Variants in SELENOT observed in about 807,000 individuals in gnomAD.
SELENOT encodes thioredoxin reductase-like selenoprotein T.
A neutral mutation model predicts 24.3 loss-of-function variants in SELENOT; 9 were observed. That is an observed-to-expected ratio of 0.37 (90% CI 0.22 to 0.65). SELENOT has a LOEUF of 0.65. Among genes scored for constraint, SELENOT ranks in the 30% least tolerant of loss-of-function variants. The pLI is 0.60. For synonymous variants in SELENOT, 81 were observed against 86.0 expected (o/e 0.94, Z 0.32); for missense variants, 166 against 247.6 (o/e 0.67, Z 2.21).
At chr3:150,614,111 T>A (rs534267715) in intron 1 of SELENOT, among the ~76,000 whole-genome samples, 80 of 152,350 alleles carry the variant, frequency 5.3e-4, no homozygotes, top group African/African-American at 1.8e-3. Flanking sequence ...TAAACTGGGC[T>A]TATAGACGCT....
At position 150,629,289 on chromosome 3, in the gene SELENOT, C is replaced by T. The variant is rs1726508187; in HGVS notation, c.*1660C>T. 1 of 152,538 alleles carries T rather than the reference C, an allele frequency of 6.6e-6. No individual in the cohort carries two copies. The highest frequency in any genetic ancestry group is 2.4e-5 in the African/African-American group (1 of 41,422). 9.4% of individuals were successfully genotyped at this position (152,538 alleles called of 1,614,324 possible). On this transcript the variant is annotated 3_prime_UTR_variant, in exon 6 of 6. Coordinates refer to ENST00000471696, the MANE Select transcript of SELENOT (RefSeq NM_016275.5). ...GTCCTTTTAATTAAGAGTGTGGAGT[C>T]ATAAACTTAAGTTCTTCATATAGTG...
intron 1 of SELENOT, among the ~76,000 whole-genome samples, chr3:150,617,920 G>C (rs368495090): frequency 2.0e-5 from 3 of 152,068 alleles, no homozygotes; most frequent in African/African-American, 7.2e-5. Context: ...GCAGTGGTGC[G>C]GTATTGGCTC....
chr3:150,624,015 A>C (rs1310605480), intron 3 of SELENOT, among the ~76,000 whole-genome samples: 2 of 151,970 alleles, frequency 1.3e-5, no homozygotes, highest in Admixed American at 1.3e-4. Context: ...ATTTCTTTCC[A>C]GTAACAGGCA....
chr3:150,627,914 G>T lies in SELENOT; in HGVS notation c.*285G>T, dbSNP rs1726478688. On this transcript the variant is annotated 3_prime_UTR_variant, in exon 6 of 6. Coordinates refer to ENST00000471696, the MANE Select transcript of SELENOT (RefSeq NM_016275.5). ...ATGTGTGTGTGTGTTTTTTTTTTAA[G>T]GTAAACATTACTACTTGTAACTTTT... 6.6e-6 allele frequency: 1 copy of T among 151,794 alleles called. No individual in the cohort carries two copies. The highest frequency in any genetic ancestry group is 2.4e-5 in the African/African-American group (1 of 41,282). The allele number at this position is 151,794 out of a possible 1,614,324, so 9.4% of individuals were successfully genotyped here. A position where few individuals can be genotyped will look rare whatever the true frequency, so the allele number is the denominator to read the frequency against.
At position 150,603,323 on chromosome 3, in the gene SELENOT, A is replaced by C. The variant is rs772142117; in HGVS notation, c.-40A>C. On this transcript the variant is annotated 5_prime_UTR_variant, in exon 1 of 6. Transcript: ENST00000471696. ...CGCTCCTGGGCTTTGGGCTGGCTGCAGTCTGTCTGAGGGCGGCCGAAGTGG... is the reference window on the plus strand; with the variant it reads ...CGCTCCTGGGCTTTGGGCTGGCTGCCGTCTGTCTGAGGGCGGCCGAAGTGG... The C allele has an allele frequency of 2.5e-6, 4 of 1,591,654 alleles. No homozygotes were observed. Among genetic ancestry groups the C allele is most frequent in the African/African-American group, 2.7e-5 (2 of 74,440 alleles).
intron 3 of SELENOT, 45 bp downstream of exon 3, chr3:150,623,214 C>G: frequency 6.7e-7 from 1 of 1,490,824 alleles, no homozygotes; most frequent in East Asian, 2.4e-5. Context: ...TTTATGTTGT[C>G]AGTGAAATAT....
intron 1 of SELENOT, among the ~76,000 whole-genome samples, chr3:150,609,427 G>A (rs912445881): frequency 1.3e-5 from 2 of 152,080 alleles, no homozygotes; most frequent in African/African-American, 4.8e-5. Flanking sequence ...ATTGCTCATT[G>A]TAGCCTCGAC....
At chr3:150,616,025 G>C (rs1424801189) in intron 1 of SELENOT, among the ~76,000 whole-genome samples, 2 of 151,994 alleles carry the variant, frequency 1.3e-5, no homozygotes, top group African/African-American at 2.4e-5. Context: ...GAACAGAACA[G>C]AGCCCTCAGA....
intron 1 of SELENOT, among the ~76,000 whole-genome samples, chr3:150,613,525 G>T (rs983046789): frequency 3.3e-5 from 5 of 152,074 alleles, no homozygotes; most frequent in East Asian, 1.9e-4. Context: ...TACATTTTTT[G>T]ATTTGTTTCG....
At chr3:150,614,397 A>G (rs190194304) in intron 1 of SELENOT, among the ~76,000 whole-genome samples, 1 of 151,692 alleles carries the variant, frequency 6.6e-6, no homozygotes. Flanking sequence ...AGATGTGACT[A>G]GAAATGGAGG....
chr3:150,605,037 C>CAAAAAAAA (rs10663147), intron 1 of SELENOT, among the ~76,000 whole-genome samples: 2 of 117,160 alleles, frequency 1.7e-5, no homozygotes, highest in African/African-American at 7.0e-5. Context: ...AACTCCGTCT[C>CAAAAAAAA]AAAAAAAAAA....
intron 1 of SELENOT, chr3:150,611,808 C>CG: frequency 1.0e-6 from 1 of 1,004,130 alleles, no homozygotes; most frequent in South Asian, 1.5e-5. Context: ...ATTTCCCGGA[C>CG]GAGGCACTGG....
chr3:150,609,032 T>C (rs1726028478), intron 1 of SELENOT, among the ~76,000 whole-genome samples: 1 of 152,226 alleles, frequency 6.6e-6, no homozygotes, highest in South Asian at 2.1e-4. Context: ...AGTATTATGT[T>C]GAATAGGAGT....
At chr3:150,613,378 A>G (rs933222331) in intron 1 of SELENOT, among the ~76,000 whole-genome samples, 3 of 152,222 alleles carry the variant, frequency 2.0e-5, no homozygotes, top group African/African-American at 7.2e-5. Flanking sequence ...ATAGCACAAC[A>G]TACTTGTTAA....
At chr3:150,604,690 G>A (rs1725918336) in intron 1 of SELENOT, among the ~76,000 whole-genome samples, 1 of 152,182 alleles carries the variant, frequency 6.6e-6, no homozygotes. Context: ...AAATAAGATG[G>A]TGAGACTTTA....
At chr3:150,624,967 T>C (rs1302441766) in intron 4 of SELENOT, 68 bp downstream of exon 4, 1 of 764,026 alleles carries the variant, frequency 1.3e-6, no homozygotes, top group East Asian at 3.2e-5. Context: ...CAAGCTTTTA[T>C]CTTTTATAAT....
chr3:150,615,406 G>A (rs1726189885), intron 1 of SELENOT, among the ~76,000 whole-genome samples: 1 of 151,522 alleles, frequency 6.6e-6, no homozygotes, highest in African/African-American at 2.4e-5. Context: ...GGGTCAAATG[G>A]TATTTCTAGT....
intron 1 of SELENOT, among the ~76,000 whole-genome samples, chr3:150,617,777 A>C (rs935322686): frequency 7.8e-6 from 1 of 127,440 alleles, no homozygotes; most frequent in African/African-American, 3.0e-5. Flanking sequence ...GCAACTTAAA[A>C]AAAAACAAAA....
intron 1 of SELENOT, among the ~76,000 whole-genome samples, chr3:150,621,614 CTTTTTTTTTTT>C (rs35489270): frequency 1.2e-5 from 1 of 80,578 alleles, no homozygotes; most frequent in African/African-American, 4.7e-5. Context: ...GGCATATTTC[CTTTTTTTTTTT>C]TTTTTTTTTT....
Sources: allele counts gnomAD v4.1 joint callset (sites outside exome capture counted in the v4.1 genomes callset), GRCh38; gene constraint gnomAD v4.1.1; transcripts MANE v1.5; gene names NCBI Gene and HGNC (gene_info 2026-07-23, HGNC 2026-07-21).